Variants in DNMT3A observed in about 807,000 individuals in gnomAD.
The protein encoded by DNMT3A is DNA methyltransferase 3 alpha.
A neutral mutation model predicts 117.6 loss-of-function variants in DNMT3A; 267 were observed. The observed-to-expected ratio is 2.27, with a 90% CI of 2.05 to 2.51. DNMT3A has a LOEUF of 2.51. DNMT3A is among the 30% of genes most tolerant of loss of function. DNMT3A has a pLI of 0.00. For missense variants in DNMT3A, 1,029 were observed against 1,260.2 expected (o/e 0.82, Z 2.78); for synonymous variants, 432 against 474.8 (o/e 0.91, Z 1.17).
At chr2:25,325,427 A>G (rs1054858253) in intron 1 of DNMT3A, among the ~76,000 whole-genome samples, 2 of 152,112 alleles carry the variant, frequency 1.3e-5, no homozygotes, top group Non-Finnish European at 2.9e-5. Flanking sequence ...TCCACAGCGG[A>G]AGCGGCCCAC....
Position 25,281,809 on chromosome 2 carries a change from G to A in DNMT3A, c.448+632C>T. 1 of 1,066,210 alleles carries A rather than the reference G, an allele frequency of 9.4e-7. No homozygotes were observed. The highest frequency in any genetic ancestry group is 1.1e-6 in the Non-Finnish European group (1 of 879,822). The allele number at this position is 1,066,210 out of a possible 1,614,324, so 66.0% of individuals were successfully genotyped here. A position where few individuals can be genotyped will look rare whatever the true frequency, so the allele number is the denominator to read the frequency against. Reference sequence around the variant, plus strand: ...CCAGGGTTAGGCCAAAAAGTCCCCAGATGAAGAGGCCTGGGCTGGGCAGTA... The same window carrying A: ...CCAGGGTTAGGCCAAAAAGTCCCCAAATGAAGAGGCCTGGGCTGGGCAGTA... On this transcript the variant is annotated intron_variant, in intron 4 of 22. Transcript: ENST00000321117. The surrounding 1 kb of genome is among the most constrained non-coding windows in gnomAD (Gnocchi z 4.8).
In DNMT3A at chr2:25,243,910, C is replaced by T. The variant is rs551213321; in HGVS notation, c.1924G>A (p.Gly642Arg). ...KPIRVLSLFD[G>R]IATGLLVLKD... is the part of the protein sequence containing the mutation. ...CTGCACCCCTCACCTGTAGCGATTCCATCAAAGAGAGACAGCACCCGGATG... is the reference window on the plus strand; with the variant it reads ...CTGCACCCCTCACCTGTAGCGATTCTATCAAAGAGAGACAGCACCCGGATG... The change falls in exon 16 of 23, where the codon GGA (glycine) becomes AGA (arginine). Residue 642 changes from glycine (G) to arginine (R), a missense_variant. Physicochemically the swap from Gly to Arg is moderately radical, Grantham distance 125. Transcript: ENST00000321117. The T allele has an allele frequency of 1.9e-6, 3 of 1,551,996 alleles. No homozygotes were observed. The highest frequency in any genetic ancestry group is 2.4e-5 in the East Asian group (1 of 41,058).
In DNMT3A at chr2:25,244,654, T is replaced by C. The variant is rs767136883; in HGVS notation, c.1555-2A>G. 5 of 1,613,744 alleles carry C rather than the reference T, an allele frequency of 3.1e-6. No homozygotes were observed. The highest frequency in any genetic ancestry group is 3.4e-6 in the Non-Finnish European group (4 of 1,179,832). ...GTACGCACACTCCAGAAAGCAGTTCTAGACAGCAGCGGGAAGGGTCAGAAA... is the reference window on the plus strand; with the variant it reads ...GTACGCACACTCCAGAAAGCAGTTCCAGACAGCAGCGGGAAGGGTCAGAAA... On this transcript the variant is annotated splice_acceptor_variant, in intron 13 of 22. Transcript: ENST00000321117. LOFTEE classifies it high-confidence loss of function.
intron 11 of DNMT3A, 48 bp from the exon 12 acceptor site, chr2:25,246,112 C>A (rs781673289): frequency 6.2e-7 from 1 of 1,614,196 alleles, no homozygotes; most frequent in Non-Finnish European, 8.5e-7. Flanking sequence ...GCCTGCTCCT[C>A]GGATGCAGGC....
chr2:25,239,990 T>C (rs1201887656), intron 19 of DNMT3A, among the ~76,000 whole-genome samples: 1 of 152,174 alleles, frequency 6.6e-6, no homozygotes, highest in African/African-American at 2.4e-5. Context: ...TCCTGGTGTG[T>C]AACAAACACC....
chr2:25,240,416 G>GCGGTAGAACTCAAAGAAGAGCCGGCCA lies in DNMT3A; in HGVS notation c.2181_2207dup (p.Gly728_Arg736dup). The GCGGTAGAACTCAAAGAAGAGCCGGCCA allele has an allele frequency of 6.2e-7, 1 of 1,612,962 alleles. No homozygotes were observed. Among genetic ancestry groups the GCGGTAGAACTCAAAGAAGAGCCGGCCA allele is most frequent in the Non-Finnish European group, 8.5e-7 (1 of 1,179,494 alleles). Reference sequence around the variant, plus strand: ...CCTTGGGCCGCGCATCATGCAGGAGGCGGTAGAACTCAAAGAAGAGCCGGC... The same window carrying GCGGTAGAACTCAAAGAAGAGCCGGCCA: ...CCTTGGGCCGCGCATCATGCAGGAGGCGGTAGAACTCAAAGAAGAGCCGGCCACGGTAGAACTCAAAGAAGAGCCGGC... On this transcript the variant is annotated inframe_insertion, in exon 19 of 23. Transcript: ENST00000321117.
intron 1 of DNMT3A, among the ~76,000 whole-genome samples, chr2:25,340,847 T>G (rs1489078301): frequency 1.5e-4 from 21 of 137,774 alleles, no homozygotes; most frequent in Non-Finnish European, 2.7e-4. Context: ...CCCCGCGTTT[T>G]CCGGCCCCCG....
intron 22 of DNMT3A, 116 bp downstream of exon 22, chr2:25,235,591 C>G: frequency 3.8e-6 from 3 of 794,542 alleles, no homozygotes; most frequent in Non-Finnish European, 6.3e-6. Flanking sequence ...ATAAAACCCA[C>G]TGTTCCCAGG....
In DNMT3A at chr2:25,311,651, A is replaced by G. The variant is rs2034128238; in HGVS notation, c.72+2262T>C. 1.3e-5 allele frequency among the ~76,000 whole-genome samples: 2 copies of G among 152,172 alleles called. No individual in the cohort carries two copies. The highest frequency in any genetic ancestry group is 1.5e-5 in the Non-Finnish European group (1 of 68,028). The stretch of plus-strand genomic sequence containing the variant: ...GCCAGAGCAGTTACTATGGGTAGAT[A>G]ATAATAGCAATCGTAATCCCTCATA... On this transcript the variant is annotated intron_variant, in intron 2 of 22. Transcript: ENST00000321117. The surrounding 1 kb of genome is among the most constrained non-coding windows in gnomAD (Gnocchi z 5.2).
intron 6 of DNMT3A, among the ~76,000 whole-genome samples, chr2:25,249,407 A>C (rs1486233170): frequency 6.6e-6 from 1 of 152,194 alleles, no homozygotes; most frequent in Non-Finnish European, 1.5e-5. Context: ...ACACCATAGG[A>C]AGCTCCCCAA....
At chr2:25,310,773 A>G (rs2034069861) in intron 2 of DNMT3A, among the ~76,000 whole-genome samples, 1 of 152,218 alleles carries the variant, frequency 6.6e-6, no homozygotes, top group Non-Finnish European at 1.5e-5. Context: ...ATCTACACCA[A>G]TAGTTCTCAA....
intron 19 of DNMT3A, chr2:25,239,594 T>C (rs1558657823): frequency 3.8e-6 from 2 of 519,710 alleles, no homozygotes; most frequent in African/African-American, 1.9e-5. Flanking sequence ...GGCTACCATA[T>C]TGCACAGTGC....
At chr2:25,331,053 T>C (rs944535071) in intron 1 of DNMT3A, among the ~76,000 whole-genome samples, 2 of 152,112 alleles carry the variant, frequency 1.3e-5, no homozygotes, top group Non-Finnish European at 2.9e-5. Flanking sequence ...GGAAAAAATA[T>C]CCAGGTTTAG....
intron 1 of DNMT3A, among the ~76,000 whole-genome samples, chr2:25,330,539 C>T (rs1020976139): frequency 8.5e-5 from 13 of 152,236 alleles, no homozygotes; most frequent in South Asian, 2.1e-4. Flanking sequence ...CCATCATGTA[C>T]GGCCCTCACA....
chr2:25,250,592 G>T (rs983653376), intron 6 of DNMT3A, among the ~76,000 whole-genome samples: 4 of 152,210 alleles, frequency 2.6e-5, no homozygotes, highest in African/African-American at 7.2e-5. Flanking sequence ...AAGGTGCACT[G>T]AAGTGTGGAC....
intron 1 of DNMT3A, among the ~76,000 whole-genome samples, chr2:25,328,296 G>A (rs932136137): frequency 2.6e-5 from 4 of 152,006 alleles, no homozygotes; most frequent in African/African-American, 4.8e-5. Flanking sequence ...TGGCTACAAC[G>A]CAGCCTCCGC....
At chr2:25,338,799 C>T (rs537402484) in intron 1 of DNMT3A, among the ~76,000 whole-genome samples, 1 of 152,274 alleles carries the variant, frequency 6.6e-6, no homozygotes, top group Non-Finnish European at 1.5e-5. Flanking sequence ...AGGATTTTAC[C>T]GTTTGTCCTG....
At position 25,327,303 on chromosome 2, in the gene DNMT3A, G is replaced by C. The variant is rs2034824413; in HGVS notation, c.-177-13142C>G. ...TTCTGAATGGACCCTGACTGATACAGTCACCCGCGGCCCCAAAGGGCTTTT... is the reference window on the plus strand; with the variant it reads ...TTCTGAATGGACCCTGACTGATACACTCACCCGCGGCCCCAAAGGGCTTTT... On this transcript the variant is annotated intron_variant, in intron 1 of 22. Coordinates refer to ENST00000321117, the MANE Select transcript of DNMT3A (RefSeq NM_022552.5). This position sits in a 1 kb window ranked among gnomAD's most constrained non-coding sequence, Gnocchi z 4.1. Among the ~76,000 whole-genome samples, 1 of 152,112 alleles carries C rather than the reference G, an allele frequency of 6.6e-6. No homozygotes were observed. Among genetic ancestry groups the C allele is most frequent in the Non-Finnish European group, 1.5e-5 (1 of 68,020 alleles).
intron 6 of DNMT3A, chr2:25,251,890 G>C (rs898615602): frequency 6.9e-6 from 3 of 436,428 alleles, no homozygotes; most frequent in African/African-American, 4.1e-5. Context: ...CACCAGCTCC[G>C]CGTGCCCCAG....
Sources: allele counts gnomAD v4.1 joint callset (sites outside exome capture counted in the v4.1 genomes callset), GRCh38; gene constraint gnomAD v4.1.1; non-coding constraint Gnocchi (gnomAD v3.1); transcripts MANE v1.5; gene names NCBI Gene and HGNC (gene_info 2026-07-23, HGNC 2026-07-21).